IGFBP2: variants seen among roughly 807,000 people sequenced by gnomAD.
IGFBP2 encodes the protein insulin-like growth factor-binding protein 2.
IGFBP2 carries 12 observed loss-of-function variants against 26.2 expected under a neutral mutation model. That is an observed-to-expected ratio of 0.46 (90% CI 0.29 to 0.74). The LOEUF is 0.74. IGFBP2 is among the 30% of genes least tolerant of loss of function. The pLI is 0.09. For synonymous variants in IGFBP2, 189 were observed against 200.6 expected, an observed-to-expected ratio of 0.94 and a Z score of 0.49; for missense variants, 328 against 441.2, an observed-to-expected ratio of 0.74 and a Z score of 2.30.
chr2:216,659,547 T>C (rs1008950784), intron 1 of IGFBP2: 2 of 616,834 alleles, frequency 3.2e-6, no homozygotes, highest in Non-Finnish European at 5.9e-6. Context: ...GCTTGTCTCC[T>C]GGTTACAGCT....
intron 1 of IGFBP2, among the ~76,000 whole-genome samples, chr2:216,651,170 T>G (rs1359405248): frequency 6.6e-6 from 1 of 152,184 alleles, no homozygotes; most frequent in Non-Finnish European, 1.5e-5. Flanking sequence ...AGGTTAAACT[T>G]TAGCTAAAGA....
chr2:216,633,788 G>C lies in IGFBP2; in HGVS notation c.265G>C (p.Val89Leu), dbSNP rs774446214. The change falls in exon 1 of 4, where the codon GTG becomes CTG. Residue 89 changes from valine to leucine, a missense_variant. Coordinates refer to ENST00000233809, the MANE Select transcript of IGFBP2 (RefSeq NM_000597.3). ...GGAGCCGGGCTGCGGCTGCTGCTCG[G>C]TGTGCGCCCGGCTGGAGGGCGAGGC... ...VREPGCGCCSVCARLEGEACG... is the reference protein window; with the variant it reads ...VREPGCGCCSLCARLEGEACG... 3.4e-6 allele frequency: 5 copies of C among 1,462,810 alleles called. No individual in the cohort carries two copies. In the South Asian group the frequency reaches 6.7e-5, roughly 20 times the overall value. 90.6% of individuals were successfully genotyped at this position (1,462,810 alleles called of 1,614,324 possible).
intron 1 of IGFBP2, among the ~76,000 whole-genome samples, chr2:216,644,711 G>A (rs1338990033): frequency 2.6e-5 from 4 of 152,178 alleles, no homozygotes; most frequent in Admixed American, 2.0e-4. Context: ...CTACCAGAAA[G>A]CTCATTTTGT....
intron 1 of IGFBP2, among the ~76,000 whole-genome samples, chr2:216,636,685 G>C (rs1240276412): frequency 1.3e-5 from 2 of 152,174 alleles, no homozygotes; most frequent in African/African-American, 2.4e-5. Context: ...GAAGTGCCTA[G>C]AAATGTCAGG....
chr2:216,658,293 C>G (rs1212796768), intron 1 of IGFBP2, among the ~76,000 whole-genome samples: 2 of 152,136 alleles, frequency 1.3e-5, no homozygotes, highest in African/African-American at 4.8e-5. Flanking sequence ...TCTCGAGGCT[C>G]CTCACGAGAT....
chr2:216,636,752 T>C (rs1324763854), intron 1 of IGFBP2, among the ~76,000 whole-genome samples: 1 of 152,192 alleles, frequency 6.6e-6, no homozygotes, highest in South Asian at 2.1e-4. Context: ...AAGGCTGGGC[T>C]AGACCGGTTC....
chr2:216,653,618 C>T (rs923230801), intron 1 of IGFBP2, among the ~76,000 whole-genome samples: 5 of 152,158 alleles, frequency 3.3e-5, no homozygotes, highest in South Asian at 2.1e-4. Flanking sequence ...AATGGGACAA[C>T]GATCCATTTC....
chr2:216,636,851 C>A (rs1030349593), intron 1 of IGFBP2, among the ~76,000 whole-genome samples: 2 of 146,142 alleles, frequency 1.4e-5, no homozygotes, highest in African/African-American at 5.0e-5. Context: ...CCGTTTGGCC[C>A]GCTGCACGTA....
chr2:216,640,386 C>T (rs1310723026), intron 1 of IGFBP2, among the ~76,000 whole-genome samples: 4 of 152,214 alleles, frequency 2.6e-5, no homozygotes, highest in Admixed American at 1.3e-4. Context: ...GGCATAGAAG[C>T]GGGAGATGAT....
intron 1 of IGFBP2, among the ~76,000 whole-genome samples, chr2:216,658,424 G>A (rs900475645): frequency 3.3e-5 from 5 of 152,182 alleles, no homozygotes; most frequent in Non-Finnish European, 5.9e-5. Context: ...TGGGTTCCAT[G>A]CTGCTGAAGT....
chr2:216,655,582 C>T (rs554177255), intron 1 of IGFBP2, among the ~76,000 whole-genome samples: 1 of 152,260 alleles, frequency 6.6e-6, no homozygotes, highest in Non-Finnish European at 1.5e-5. Flanking sequence ...CAGTCTCAGG[C>T]AGTTTTTTAT....
At chr2:216,632,996 G>C (rs1697407850), upstream of IGFBP2, 1 of 152,182 alleles carries the variant, frequency 6.6e-6, no homozygotes, top group Non-Finnish European at 1.5e-5. Context: ...GGTATGAGCC[G>C]ACTGAAATCT....
At chr2:216,656,135 A>G (rs1349507206) in intron 1 of IGFBP2, among the ~76,000 whole-genome samples, 1 of 152,040 alleles carries the variant, frequency 6.6e-6, no homozygotes, top group African/African-American at 2.4e-5. Context: ...TCCTTTTTCA[A>G]ATGTGTTTCC....
chr2:216,641,679 C>T (rs1006286696), intron 1 of IGFBP2, among the ~76,000 whole-genome samples: 27 of 148,148 alleles, frequency 1.8e-4, no homozygotes, highest in Admixed American at 4.0e-4. Flanking sequence ...TGGAGACCAT[C>T]GGGCTTGCAT....
chr2:216,637,081 G>A (rs998630588), intron 1 of IGFBP2, among the ~76,000 whole-genome samples: 2 of 152,228 alleles, frequency 1.3e-5, no homozygotes, highest in South Asian at 4.1e-4. Context: ...CTGGCTCAGA[G>A]TACTGCTTTG....
chr2:216,651,270 G>T (rs958869745), intron 1 of IGFBP2, among the ~76,000 whole-genome samples: 21 of 152,124 alleles, frequency 1.4e-4, no homozygotes, highest in African/African-American at 4.8e-4. Context: ...ACTAATCCCA[G>T]CCTGTTGGTG....
At chr2:216,638,818 G>A (rs1230765730) in intron 1 of IGFBP2, among the ~76,000 whole-genome samples, 1 of 151,056 alleles carries the variant, frequency 6.6e-6, no homozygotes, top group Non-Finnish European at 1.5e-5. Flanking sequence ...TCCTGCCTCA[G>A]CCTCCCGAGT....
intron 2 of IGFBP2, chr2:216,661,595 C>T (rs1688651146): frequency 1.8e-6 from 1 of 552,554 alleles, no homozygotes; most frequent in African/African-American, 1.9e-5. Context: ...CCCATTCTGA[C>T]ACATGAAAGC....
chr2:216,656,373 C>T (rs1441102750), intron 1 of IGFBP2, among the ~76,000 whole-genome samples: 7 of 152,140 alleles, frequency 4.6e-5, no homozygotes, highest in South Asian at 4.1e-4. Flanking sequence ...GGGTCTTAGC[C>T]GTGGATGCGG....
Sources: allele counts gnomAD v4.1 joint callset (sites outside exome capture counted in the v4.1 genomes callset), GRCh38; gene constraint gnomAD v4.1.1; transcripts MANE v1.5; gene names NCBI Gene and HGNC (gene_info 2026-07-23, HGNC 2026-07-21).